The following C1GALT1 variants were observed in gnomAD, a reference collection of about 807,000 sequenced individuals.
C1GALT1 encodes core 1 synthase, glycoprotein-N-acetylgalactosamine 3-beta-galactosyltransferase 1, also known as glycoprotein-N-acetylgalactosamine 3-beta-galactosyltransferase 1.
In C1GALT1, 11 loss-of-function variants were observed where a neutral mutation model predicts 31.0. The ratio of observed to expected loss-of-function variants is 0.36; its 90% CI spans 0.22 to 0.59. The LOEUF is 0.59. C1GALT1 is among the 20% of genes least tolerant of loss of function. The pLI is 0.79. For missense variants in C1GALT1, 424 were observed against 425.2 expected (o/e 1.00, Z 0.03); for synonymous variants, 175 against 143.6 (o/e 1.22, Z -1.56).
At chr7:7,157,382 G>C (rs1780284185) in exon 2 of C1GALT1, 1 of 152,344 alleles carries the variant, frequency 6.6e-6, no homozygotes, top group Non-Finnish European at 1.5e-5. Context: ...CTGGCATTCT[G>C]AGGCTCATGG....
In C1GALT1 at chr7:7,243,793, C is replaced by A; in HGVS notation, c.*66C>A. 8.3e-7 allele frequency: 1 copy of A among 1,198,324 alleles called. No individual in the cohort carries two copies. The highest frequency in any genetic ancestry group is 1.2e-6 in the Non-Finnish European group (1 of 860,900). 74.2% of individuals were successfully genotyped at this position (1,198,324 alleles called of 1,614,324 possible). ...GCACTGAAAAAGGACTTCTGCATTT[C>A]TGACATAGAACACTGGAATCCCAGT... On this transcript the variant is annotated 3_prime_UTR_variant, in exon 4 of 4. Transcript: ENST00000436587.
At chr7:7,225,626 GTGT>G (rs1400883094) in intron 1 of C1GALT1, among the ~76,000 whole-genome samples, 1 of 152,160 alleles carries the variant, frequency 6.6e-6, no homozygotes, top group Non-Finnish European at 1.5e-5. Flanking sequence ...TGTGTTTTTT[GTGT>G]TTAAGAATTT....
intron 1 of C1GALT1, among the ~76,000 whole-genome samples, chr7:7,204,470 G>C (rs562748387): frequency 4.7e-4 from 72 of 151,796 alleles, no homozygotes; most frequent in Non-Finnish European, 7.8e-4. Context: ...TCTTAGTCTA[G>C]CTAGAGATTT....
At chr7:7,174,062 G>A (rs563052206) in intron 2 of C1GALT1, among the ~76,000 whole-genome samples, 18 of 152,160 alleles carry the variant, frequency 1.2e-4, no homozygotes, top group Admixed American at 6.5e-4. Context: ...ATAGGCAGCC[G>A]TCTTTTTTTT....
At chr7:7,168,353 G>A (rs1780419816) in intron 2 of C1GALT1, among the ~76,000 whole-genome samples, 1 of 152,090 alleles carries the variant, frequency 6.6e-6, no homozygotes, top group Non-Finnish European at 1.5e-5. Flanking sequence ...TAGAAGAGAA[G>A]GAGTTGAGGT....
chr7:7,231,846 A>T (rs1256820093), intron 1 of C1GALT1, among the ~76,000 whole-genome samples: 1 of 151,654 alleles, frequency 6.6e-6, no homozygotes, highest in Non-Finnish European at 1.5e-5. Context: ...ATATTTCTCC[A>T]GGAGAATATT....
At chr7:7,173,342 T>C (rs1057333693) in intron 2 of C1GALT1, among the ~76,000 whole-genome samples, 3 of 152,032 alleles carry the variant, frequency 2.0e-5, no homozygotes, top group Non-Finnish European at 2.9e-5. Flanking sequence ...GAGGATTCCC[T>C]GGAAGCCAAG....
rs1783753926 is a variant in C1GALT1, at chr7:7,244,150, T to C, written c.*423T>C. 6.5e-6 allele frequency: 1 copy of C among 153,344 alleles called. No individual in the cohort carries two copies. Among genetic ancestry groups the C allele is most frequent in the Admixed American group, 6.5e-5 (1 of 15,340 alleles). The allele number at this position is 153,344 out of a possible 1,614,324, so 9.5% of individuals were successfully genotyped here. A position where few individuals can be genotyped will look rare whatever the true frequency, so the allele number is the denominator to read the frequency against. ...TAGAAAGAAATATTGTTGCTCAGTG[T>C]TGTTAATATAGCTCAAGAATTGAGT... On this transcript the variant is annotated 3_prime_UTR_variant, in exon 4 of 4. Transcript: ENST00000436587.
chr7:7,229,417 T>G (rs1052271824), intron 1 of C1GALT1, among the ~76,000 whole-genome samples: 1 of 152,146 alleles, frequency 6.6e-6, no homozygotes, highest in Non-Finnish European at 1.5e-5. Context: ...CATAAGAAAT[T>G]AAGAGTTAAA....
At chr7:7,162,072 T>C (rs879637932) in intron 2 of C1GALT1, among the ~76,000 whole-genome samples, 133 of 151,470 alleles carry the variant, frequency 8.8e-4, no homozygotes, top group Non-Finnish European at 1.4e-3. Flanking sequence ...CATTTCTTTT[T>C]TTTTTTCTTT....
chr7:7,234,244 A>G, intron 1 of C1GALT1, 59 bp from the exon 2 acceptor site: 1 of 1,259,258 alleles, frequency 7.9e-7, no homozygotes, highest in Non-Finnish European at 1.1e-6. Flanking sequence ...CAGAATTTTT[A>G]CTCCGGTTAT....
intron 1 of C1GALT1, among the ~76,000 whole-genome samples, chr7:7,203,960 C>T (rs1039100077): frequency 6.6e-6 from 1 of 152,014 alleles, no homozygotes; most frequent in African/African-American, 2.4e-5. Context: ...ACACATCTCT[C>T]CCTATGCCTC....
At chr7:7,174,405 C>CA (rs1299776774) in intron 2 of C1GALT1, among the ~76,000 whole-genome samples, 1 of 152,150 alleles carries the variant, frequency 6.6e-6, no homozygotes, top group African/African-American at 2.4e-5. Flanking sequence ...TGCTGGATTG[C>CA]ATAGTAAGAG....
At chr7:7,208,330 A>G (rs1017058946) in intron 1 of C1GALT1, among the ~76,000 whole-genome samples, 7 of 152,156 alleles carry the variant, frequency 4.6e-5, no homozygotes, top group Admixed American at 2.0e-4. Context: ...TATTGTGCCT[A>G]ATTTACAAAT....
At chr7:7,226,453 GC>G (rs1191603907) in intron 1 of C1GALT1, among the ~76,000 whole-genome samples, 1 of 152,096 alleles carries the variant, frequency 6.6e-6, no homozygotes, top group Non-Finnish European at 1.5e-5. Context: ...GAAGACGTGC[GC>G]TCATGGTAAA....
At chr7:7,184,156 C>T (rs1053046736) in intron 1 of C1GALT1, among the ~76,000 whole-genome samples, 4 of 152,174 alleles carry the variant, frequency 2.6e-5, no homozygotes, top group African/African-American at 9.7e-5. Context: ...TTCTACCAGT[C>T]TTTATATATA....
intron 1 of C1GALT1, among the ~76,000 whole-genome samples, chr7:7,213,047 A>G (rs1212300900): frequency 6.6e-6 from 1 of 152,230 alleles, no homozygotes; most frequent in Non-Finnish European, 1.5e-5. Context: ...ATTCCAAGCA[A>G]AAGTTAAAAA....
chr7:7,236,836 T>G (rs1032043137), intron 2 of C1GALT1, among the ~76,000 whole-genome samples: 1 of 152,180 alleles, frequency 6.6e-6, no homozygotes, highest in Non-Finnish European at 1.5e-5. Flanking sequence ...GACATGAGAA[T>G]ATTTTTATGT....
intron 2 of C1GALT1, among the ~76,000 whole-genome samples, chr7:7,159,119 A>G (rs1462706760): frequency 1.3e-5 from 2 of 152,150 alleles, no homozygotes; most frequent in African/African-American, 2.4e-5. Context: ...AAACAGGAAA[A>G]AAAAGTCAAG....
Sources: gnomAD v4.1 joint callset for allele counts (sites outside exome capture counted in the v4.1 genomes callset) on GRCh38, gnomAD v4.1.1 for gene constraint, MANE v1.5 for transcripts, NCBI Gene and HGNC (gene_info 2026-07-23, HGNC 2026-07-21) for gene names.